Variants in ITPK1 observed in about 807,000 individuals in gnomAD.
The protein encoded by ITPK1 is inositol 1,3,4-trisphosphate 5/6-kinase.
A neutral mutation model predicts 45.3 loss-of-function variants in ITPK1; 21 were observed. That is an observed-to-expected ratio of 0.46 (90% CI 0.33 to 0.67). ITPK1 has a LOEUF of 0.67. Among genes scored for constraint, ITPK1 ranks in the 30% least tolerant of loss-of-function variants. The pLI, the probability that ITPK1 is intolerant of heterozygous loss-of-function variation, is 0.02. For synonymous variants in ITPK1, 258 were observed against 253.6 expected (o/e 1.02, Z -0.16); for missense variants, 474 against 573.5 (o/e 0.83, Z 1.77).
At position 92,940,158 on chromosome 14, in the gene ITPK1, G is replaced by T; in HGVS notation, c.*1403C>A. 1 of 985,720 alleles carries T rather than the reference G, an allele frequency of 1.0e-6. No individual in the cohort carries two copies. The highest frequency in any genetic ancestry group is 1.2e-6 in the Non-Finnish European group (1 of 830,068). 61.1% of individuals were successfully genotyped at this position (985,720 alleles called of 1,614,324 possible). On this transcript the variant is annotated 3_prime_UTR_variant, in exon 11 of 11. Transcript: ENST00000267615. ...AGGACCTCCATGCACTGGCTCGGGG[G>T]CCTCTCTCGGGACACTCAGCACTTT...
At chr14:92,993,751 T>C in intron 5 of ITPK1, 129 bp downstream of exon 5, 1 of 657,152 alleles carries the variant, frequency 1.5e-6, no homozygotes. Context: ...CACCATGGAA[T>C]TCAAATGCTT....
chr14:93,067,413 T>A (rs888998412), intron 3 of ITPK1: 2 of 150,442 alleles, frequency 1.3e-5, no homozygotes, highest in African/African-American at 4.9e-5. Context: ...ACATGGGATG[T>A]GGGAACTTTT....
Position 92,940,759 on chromosome 14 carries a change from C to T in ITPK1, c.*802G>A, listed in dbSNP as rs775502787. 1.1e-4 allele frequency: 137 copies of T among 1,289,072 alleles called. 1 individual carries two copies. The highest frequency in any genetic ancestry group is 4.6e-4 in the Admixed American group (20 of 43,514). The allele number at this position is 1,289,072 out of a possible 1,614,324, so 79.9% of individuals were successfully genotyped here. A position where few individuals can be genotyped will look rare whatever the true frequency, so the allele number is the denominator to read the frequency against. ...AAGACCTGGAATGATTTGCCCAAAT[C>T]ACAGCACAAATCCTCAGCACAGGCG... On this transcript the variant is annotated 3_prime_UTR_variant, in exon 11 of 11. Transcript: ENST00000267615.
In ITPK1 at chr14:92,940,591, G is replaced by T. The variant is rs1887314615; in HGVS notation, c.*970C>A. ...GGAAGAGGGCCCCGATCTCCATGGTGTCATGCCGAGGCTCCCGCGCCTATC... is the reference window on the plus strand; with the variant it reads ...GGAAGAGGGCCCCGATCTCCATGGTTTCATGCCGAGGCTCCCGCGCCTATC... On this transcript the variant is annotated 3_prime_UTR_variant, in exon 11 of 11. Coordinates refer to ENST00000267615, the MANE Select transcript of ITPK1 (RefSeq NM_014216.6). 1 of 1,195,390 alleles carries T rather than the reference G, an allele frequency of 8.4e-7. No homozygotes were observed. The highest frequency in any genetic ancestry group is 1.1e-6 in the Non-Finnish European group (1 of 944,106). 74.0% of individuals were successfully genotyped at this position (1,195,390 alleles called of 1,614,324 possible).
At chr14:93,053,971 A>T (rs1890124126) in intron 3 of ITPK1, among the ~76,000 whole-genome samples, 1 of 152,214 alleles carries the variant, frequency 6.6e-6, no homozygotes, top group African/African-American at 2.4e-5. Flanking sequence ...GAGGGAAGTC[A>T]GACTGAAGTA....
At chr14:93,028,753 A>G (rs1421072121) in intron 3 of ITPK1, among the ~76,000 whole-genome samples, 2 of 152,094 alleles carry the variant, frequency 1.3e-5, no homozygotes, top group African/African-American at 4.8e-5. Context: ...CCCACCTCTA[A>G]CGCCAAACAG....
chr14:93,007,524 A>C (rs1236561743), intron 4 of ITPK1, among the ~76,000 whole-genome samples: 1 of 152,174 alleles, frequency 6.6e-6, no homozygotes, highest in Non-Finnish European at 1.5e-5. Context: ...GGGAGAGAAC[A>C]GTCATCCAGA....
At chr14:92,965,723 G>A (rs1885310640) in intron 5 of ITPK1, among the ~76,000 whole-genome samples, 1 of 152,146 alleles carries the variant, frequency 6.6e-6, no homozygotes, top group Non-Finnish European at 1.5e-5. Flanking sequence ...ATATTTATGG[G>A]TCTGGCATGG....
In ITPK1 at chr14:93,016,774, G is replaced by A; in HGVS notation, c.148C>T (p.Gln50Ter). The stretch of plus-strand genomic sequence containing the variant: ...TGGATGATGACGTCCAGGGGGCCCT[G>A]CTCCTCGATCGGCCGGCTAAGGTTC... ...QLNLSRPIEE[Q>*]GPLDVIIHKL... The change falls in exon 4 of 11, where the codon CAG becomes TAG. Residue 50 changes from glutamine to a stop codon, truncating the protein, a stop_gained. Coordinates refer to ENST00000267615, the MANE Select transcript of ITPK1 (RefSeq NM_014216.6). LOFTEE classifies it high-confidence loss of function. The surrounding 1 kb of genome is among the most constrained non-coding windows in gnomAD (Gnocchi z 5.0). 6.2e-7 allele frequency: 1 copy of A among 1,614,068 alleles called. No individual in the cohort carries two copies. The highest frequency in any genetic ancestry group is 1.7e-5 in the Admixed American group (1 of 60,020).
In ITPK1 at chr14:93,050,213, G is replaced by A. The variant is rs149209949; in HGVS notation, c.120+26382C>T. On this transcript the variant is annotated intron_variant, in intron 3 of 10. Transcript: ENST00000267615. Reference sequence around the variant, plus strand: ...CGGTGCATTTTAAAGAAAGCCCGGCGGACACACGGGTTCTCCTGCTGGTGC... The same window carrying A: ...CGGTGCATTTTAAAGAAAGCCCGGCAGACACACGGGTTCTCCTGCTGGTGC... Among the ~76,000 whole-genome samples the A allele has an allele frequency of 2.4e-3, 360 of 152,274 alleles. 2 individuals carry two copies. The highest frequency in any genetic ancestry group is 8.3e-3 in the African/African-American group (343 of 41,552).
chr14:92,959,720 A>AAG (rs1289709625), intron 7 of ITPK1, among the ~76,000 whole-genome samples: 1 of 152,180 alleles, frequency 6.6e-6, no homozygotes, highest in African/African-American at 2.4e-5. Context: ...AAAAAAAAAA[A>AAG]AAGATTCCAC....
Position 92,941,287 on chromosome 14 carries a change from T to C in ITPK1, c.*274A>G. 3.6e-6 allele frequency: 5 copies of C among 1,390,372 alleles called. No homozygotes were observed. The highest frequency in any genetic ancestry group is 3.3e-5 in the South Asian group (2 of 61,012). 86.1% of individuals were successfully genotyped at this position (1,390,372 alleles called of 1,614,324 possible). A position where few individuals can be genotyped will look rare whatever the true frequency, so the allele number is the denominator to read the frequency against. On this transcript the variant is annotated 3_prime_UTR_variant, in exon 11 of 11. Transcript: ENST00000267615. Reference sequence around the variant, plus strand: ...CCTCACCTCCCATCCAGACCTAGTGTTGCAAACACAAGCGTGTGTAAACTC... The same window carrying C: ...CCTCACCTCCCATCCAGACCTAGTGCTGCAAACACAAGCGTGTGTAAACTC...
chr14:92,964,750 C>T (rs1311294221), intron 5 of ITPK1, among the ~76,000 whole-genome samples: 1 of 152,156 alleles, frequency 6.6e-6, no homozygotes, highest in Non-Finnish European at 1.5e-5. Context: ...TCCCTGTGGC[C>T]CCCCGGAGTT....
At chr14:92,998,918 T>A (rs1332993020) in intron 4 of ITPK1, 2 of 152,254 alleles carry the variant, frequency 1.3e-5, no homozygotes, top group Non-Finnish European at 2.9e-5. Context: ...ACTTGCTATA[T>A]GCACACTGCT....
intron 3 of ITPK1, among the ~76,000 whole-genome samples, chr14:93,057,246 G>A (rs1438176764): frequency 6.6e-6 from 1 of 152,204 alleles, no homozygotes; most frequent in Admixed American, 6.5e-5. Context: ...TACACAGGCA[G>A]CCATGTGTGC....
At chr14:93,091,950 A>C (rs1454366928) in intron 2 of ITPK1, among the ~76,000 whole-genome samples, 1 of 152,094 alleles carries the variant, frequency 6.6e-6, no homozygotes, top group Non-Finnish European at 1.5e-5. Flanking sequence ...CCTCTTCAGG[A>C]CCCTGGGTTT....
At chr14:92,990,228 G>C (rs959294851) in intron 5 of ITPK1, among the ~76,000 whole-genome samples, 11 of 152,090 alleles carry the variant, frequency 7.2e-5, no homozygotes, top group Non-Finnish European at 1.2e-4. Context: ...ATTGCTTTCA[G>C]AACCCCTCCT....
intron 3 of ITPK1, among the ~76,000 whole-genome samples, chr14:93,051,105 T>C (rs900752739): frequency 6.6e-6 from 1 of 152,004 alleles, no homozygotes; most frequent in Admixed American, 6.6e-5. Context: ...CAAACGGTGA[T>C]GGCCACACTC....
intron 10 of ITPK1, among the ~76,000 whole-genome samples, chr14:92,944,388 C>T (rs1887579717): frequency 6.6e-6 from 1 of 152,166 alleles, no homozygotes; most frequent in Non-Finnish European, 1.5e-5. Flanking sequence ...GCCATAGTCC[C>T]ACCCCATCTG....
Sources: gnomAD v4.1 joint callset for allele counts (sites outside exome capture counted in the v4.1 genomes callset) on GRCh38, gnomAD v4.1.1 for gene constraint, Gnocchi (gnomAD v3.1) non-coding constraint, MANE v1.5 for transcripts, NCBI Gene and HGNC (gene_info 2026-07-23, HGNC 2026-07-21) for gene names.